Variants in PKP4 observed in about 807,000 individuals in gnomAD.
PKP4 encodes plakophilin-4.
A neutral mutation model predicts 145.1 loss-of-function variants in PKP4; 90 were observed. The observed-to-expected ratio is 0.62, with a 90% CI of 0.52 to 0.74. PKP4 has a LOEUF of 0.74. PKP4 is among the 30% of genes least tolerant of loss of function. The pLI is 0.00. For synonymous variants in PKP4, 563 were observed against 577.2 expected (o/e 0.98, Z 0.35); for missense variants, 1,340 against 1,482.7 (o/e 0.90, Z 1.58).
At chr2:158,581,569 T>A (rs2048333058) in intron 3 of PKP4, among the ~76,000 whole-genome samples, 1 of 152,224 alleles carries the variant, frequency 6.6e-6, no homozygotes, top group Non-Finnish European at 1.5e-5. Context: ...TTAATACCTG[T>A]TTAATGACGC....
At chr2:158,589,615 C>G (rs1035414611) in intron 3 of PKP4, among the ~76,000 whole-genome samples, 1 of 152,126 alleles carries the variant, frequency 6.6e-6, no homozygotes, top group African/African-American at 2.4e-5. Context: ...TTCAACAACT[C>G]TAGGAAACAA....
At chr2:158,525,604 G>T (rs2042842126) in intron 1 of PKP4, among the ~76,000 whole-genome samples, 1 of 72,260 alleles carries the variant, frequency 1.4e-5, no homozygotes, top group Non-Finnish European at 2.6e-5. Context: ...ACATTCAAAA[G>T]CTAGCAGAAG....
chr2:158,649,191 T>C (rs2055114103), intron 11 of PKP4, among the ~76,000 whole-genome samples: 1 of 152,176 alleles, frequency 6.6e-6, no homozygotes, highest in South Asian at 2.1e-4. Flanking sequence ...AAATCTCCTG[T>C]CTACCCCTGT....
chr2:158,638,158 A>G (rs1265079011), intron 9 of PKP4, among the ~76,000 whole-genome samples: 1 of 152,240 alleles, frequency 6.6e-6, no homozygotes, highest in Non-Finnish European at 1.5e-5. Flanking sequence ...ATTTTCTGAG[A>G]AACGATTGAT....
At chr2:158,646,371 A>G (rs2054828038) in intron 11 of PKP4, among the ~76,000 whole-genome samples, 1 of 152,218 alleles carries the variant, frequency 6.6e-6, no homozygotes, top group South Asian at 2.1e-4. Flanking sequence ...GGACCAGAAG[A>G]CTTCAGAAAT....
chr2:158,556,305 A>G (rs1267251868), intron 2 of PKP4, among the ~76,000 whole-genome samples: 1 of 152,206 alleles, frequency 6.6e-6, no homozygotes, highest in African/African-American at 2.4e-5. Flanking sequence ...GGTGTGTTGT[A>G]ATCAAGAGTG....
chr2:158,675,412 C>T lies in PKP4; in HGVS notation c.3128-1327C>T, dbSNP rs145457390. 1.5e-3 allele frequency among the ~76,000 whole-genome samples: 231 copies of T among 152,012 alleles called. 1 individual carries two copies. Among genetic ancestry groups the T allele is most frequent in the African/African-American group, 4.8e-3 (200 of 41,418 alleles). The stretch of plus-strand genomic sequence containing the variant: ...ATTACTCTTCAATGTGGCCCAAGGA[C>T]GCCAAAAGATTGCACACCCCTGGAT... On this transcript the variant is annotated intron_variant, in intron 19 of 21. Coordinates refer to ENST00000389759, the MANE Select transcript of PKP4 (RefSeq NM_003628.6).
At chr2:158,496,759 C>T (rs1488298297) in intron 1 of PKP4, among the ~76,000 whole-genome samples, 2 of 144,856 alleles carry the variant, frequency 1.4e-5, no homozygotes, top group African/African-American at 2.5e-5. Context: ...CTTCTCTCTC[C>T]GTGTGTGTGT....
chr2:158,624,852 T>G (rs756690840), intron 6 of PKP4, 26 bp from the exon 7 acceptor site: 9 of 1,538,986 alleles, frequency 5.8e-6, no homozygotes, highest in Non-Finnish European at 7.0e-6. Context: ...ATAAACCCAT[T>G]CTCTTTTTTC....
At chr2:158,574,299 C>G (rs144219303) in intron 2 of PKP4, among the ~76,000 whole-genome samples, 3,619 of 152,226 alleles carry the variant, frequency 0.024, 81 homozygotes, top group South Asian at 0.066. Flanking sequence ...CACAAAAGAA[C>G]AAATATAAGC....
Position 158,567,092 on chromosome 2 carries a change from A to G in PKP4, c.133-10179A>G, listed in dbSNP as rs115635998. ...GTAAATCATAAAATCACCCTGAATT[A>G]CTTACCAGAGTTTTCTGGGTTTGTT... On this transcript the variant is annotated intron_variant, in intron 2 of 21. Coordinates refer to ENST00000389759, the MANE Select transcript of PKP4 (RefSeq NM_003628.6). Among the ~76,000 whole-genome samples the G allele has an allele frequency of 2.3e-3, 345 of 152,286 alleles. 2 individuals are homozygous for G. Among genetic ancestry groups the G allele is most frequent in the African/African-American group, 7.8e-3 (323 of 41,560 alleles).
At chr2:158,483,445 A>G (rs1200592881) in intron 1 of PKP4, among the ~76,000 whole-genome samples, 1 of 151,836 alleles carries the variant, frequency 6.6e-6, no homozygotes, top group Non-Finnish European at 1.5e-5. Flanking sequence ...TGCTGTTTCT[A>G]AACTTTGATG....
At chr2:158,678,886 G>A (rs1447955041) in intron 21 of PKP4, 7 of 567,124 alleles carry the variant, frequency 1.2e-5, no homozygotes, top group Non-Finnish European at 1.9e-5. Context: ...GCCACTGATG[G>A]GGACAGCCGA....
At chr2:158,539,553 A>G (rs183600311) in intron 2 of PKP4, among the ~76,000 whole-genome samples, 27 of 152,316 alleles carry the variant, frequency 1.8e-4, no homozygotes, top group African/African-American at 6.5e-4. Context: ...CTGTAAGTAC[A>G]ATGCCTGAAA....
rs1022492400 is a variant in PKP4 at position 158,662,818 on chromosome 2, T to C, written c.2212-79T>C. 91 of 1,063,098 alleles carry C rather than the reference T, an allele frequency of 8.6e-5. No homozygotes were observed. In the East Asian group the frequency reaches 2.0e-3, roughly 23 times the overall value. 65.9% of individuals were successfully genotyped at this position (1,063,098 alleles called of 1,614,324 possible). ...TCTTTCATATTTCCCATTTATTTCCTGTCTGTAGTGTTCAGTACAGAAGTG... is the reference window on the plus strand; with the variant it reads ...TCTTTCATATTTCCCATTTATTTCCCGTCTGTAGTGTTCAGTACAGAAGTG... On this transcript the variant is annotated intron_variant, in intron 13 of 21. Coordinates refer to ENST00000389759, the MANE Select transcript of PKP4 (RefSeq NM_003628.6).
intron 2 of PKP4, among the ~76,000 whole-genome samples, chr2:158,537,871 A>G (rs961553794): frequency 2.0e-5 from 3 of 152,144 alleles, no homozygotes; most frequent in East Asian, 3.9e-4. Flanking sequence ...TCTACAAAAA[A>G]TACAAAAAAT....
At chr2:158,619,606 A>T (rs1451622601) in intron 4 of PKP4, among the ~76,000 whole-genome samples, 1 of 152,188 alleles carries the variant, frequency 6.6e-6, no homozygotes, top group Non-Finnish European at 1.5e-5. Flanking sequence ...ACATAGCCAA[A>T]CTTCATTGAA....
intron 19 of PKP4, among the ~76,000 whole-genome samples, 154 bp from the exon 20 acceptor site, chr2:158,676,585 C>T (rs909943569): frequency 6.6e-6 from 1 of 152,196 alleles, no homozygotes; most frequent in Non-Finnish European, 1.5e-5. Context: ...TCTAGCTGCT[C>T]TTCCACTCCC....
intron 9 of PKP4, among the ~76,000 whole-genome samples, chr2:158,634,711 T>C (rs1321214842): frequency 6.6e-6 from 1 of 152,232 alleles, no homozygotes; most frequent in Non-Finnish European, 1.5e-5. Flanking sequence ...AGACCCGTGT[T>C]ACATGTTTTC....
Sources: gnomAD v4.1 joint callset for allele counts (sites outside exome capture counted in the v4.1 genomes callset) on GRCh38, gnomAD v4.1.1 for gene constraint, MANE v1.5 for transcripts, NCBI Gene and HGNC (gene_info 2026-07-23, HGNC 2026-07-21) for gene names.